PTK2: variants seen among roughly 807,000 people sequenced by gnomAD.
PTK2 encodes the protein focal adhesion kinase 1.
A neutral mutation model predicts 150.1 loss-of-function variants in PTK2; 45 were observed. The observed-to-expected ratio is 0.30, with a 90% CI of 0.24 to 0.38. PTK2 has a LOEUF of 0.38. PTK2 is among the 10% of genes least tolerant of loss of function. The pLI is 1.00. For missense variants in PTK2, 919 were observed against 1,307.3 expected, an observed-to-expected ratio of 0.70 and a Z score of 4.58; for synonymous variants, 432 against 449.2, an observed-to-expected ratio of 0.96 and a Z score of 0.48.
intron 29 of PTK2, among the ~76,000 whole-genome samples, chr8:140,671,635 C>T (rs577779299): frequency 2.0e-5 from 3 of 151,720 alleles, no homozygotes; most frequent in South Asian, 2.1e-4. Context: ...CTACTTAGGT[C>T]GGGTGCGGTG....
chr8:140,880,984 G>T (rs2100148767), intron 3 of PTK2, among the ~76,000 whole-genome samples: 1 of 152,076 alleles, frequency 6.6e-6, no homozygotes, highest in Non-Finnish European at 1.5e-5. Context: ...GCAGAGAGAG[G>T]GACAAAGGAA....
rs2100056304 is a variant in PTK2 at position 140,742,452 on chromosome 8, C to T, written c.1735+778G>A. On this transcript the variant is annotated intron_variant, in intron 20 of 31. Transcript: ENST00000522684. ...TATGCTTAATTTTTAAAGAATTTGC[C>T]AAACTTTCTTCCAGAATGCCTCTAC... is the stretch of plus-strand genomic sequence containing the variant. 3.3e-5 allele frequency among the ~76,000 whole-genome samples: 5 copies of T among 152,306 alleles called. No individual in the cohort carries two copies. The South Asian group carries it at 1.0e-3, about 32-fold the overall frequency.
At chr8:140,660,798 C>T in intron 31 of PTK2, 2 of 327,520 alleles carry the variant, frequency 6.1e-6, no homozygotes, top group South Asian at 4.8e-5. Flanking sequence ...AAATGCTGTC[C>T]TACAGGGTTC....
chr8:140,732,453 T>A (rs1027826492), intron 22 of PTK2: 1 of 443,042 alleles, frequency 2.3e-6, no homozygotes, highest in Admixed American at 3.2e-5. Context: ...CAGTGGAGCA[T>A]TCCTTAGTAT....
chr8:140,739,504 T>C (rs751486906), intron 20 of PTK2, among the ~76,000 whole-genome samples: 7 of 152,156 alleles, frequency 4.6e-5, no homozygotes, highest in Non-Finnish European at 1.0e-4. Context: ...AAATAATATA[T>C]AGTCGATCCT....
At chr8:140,764,591 A>C in intron 14 of PTK2, 1 of 425,814 alleles carries the variant, frequency 2.3e-6, no homozygotes. Flanking sequence ...AAATTAACCA[A>C]TCTACCAACC....
chr8:140,681,641 G>A (rs1589829387), intron 27 of PTK2, among the ~76,000 whole-genome samples: 1 of 152,000 alleles, frequency 6.6e-6, no homozygotes, highest in Non-Finnish European at 1.5e-5. Flanking sequence ...GCCGGGCGTG[G>A]TGGCGGGCGC....
At chr8:140,905,588 ACC>A (rs955148673) in intron 2 of PTK2, among the ~76,000 whole-genome samples, 7 of 152,110 alleles carry the variant, frequency 4.6e-5, no homozygotes, top group African/African-American at 2.4e-5. Context: ...AGACTTTAAC[ACC>A]CCACTGTCAA....
At chr8:140,683,822 C>A (rs1435815647) in intron 27 of PTK2, among the ~76,000 whole-genome samples, 1 of 147,056 alleles carries the variant, frequency 6.8e-6, no homozygotes, top group Non-Finnish European at 1.5e-5. Flanking sequence ...ATGTTAAAAA[C>A]CCTCAAAAAA....
At chr8:140,951,278 C>G (rs903774548) in intron 1 of PTK2, among the ~76,000 whole-genome samples, 1 of 152,138 alleles carries the variant, frequency 6.6e-6, no homozygotes, top group Non-Finnish European at 1.5e-5. Context: ...AAAAACAAGG[C>G]AAGGACCAAG....
At chr8:140,713,601 G>C (rs1048491768) in intron 23 of PTK2, among the ~76,000 whole-genome samples, 4 of 152,188 alleles carry the variant, frequency 2.6e-5, no homozygotes, top group Non-Finnish European at 4.4e-5. Context: ...AGAGGTCCAA[G>C]GACTACACTT....
intron 10 of PTK2, among the ~76,000 whole-genome samples, chr8:140,803,880 A>G (rs1219521645): frequency 6.6e-6 from 1 of 152,250 alleles, no homozygotes; most frequent in East Asian, 1.9e-4. Flanking sequence ...GAGGAGACCC[A>G]TACATGAGTT....
At chr8:140,784,331 T>G (rs1022497935) in intron 14 of PTK2, among the ~76,000 whole-genome samples, 1 of 152,176 alleles carries the variant, frequency 6.6e-6, no homozygotes, top group Admixed American at 6.5e-5. Flanking sequence ...ACAAGAGCCA[T>G]GTGCATAATG....
At chr8:140,671,635 CGG>C (rs1478314100) in intron 29 of PTK2, among the ~76,000 whole-genome samples, 1 of 151,720 alleles carries the variant, frequency 6.6e-6, no homozygotes, top group African/African-American at 2.4e-5. Flanking sequence ...CTACTTAGGT[CGG>C]GTGCGGTGGC....
chr8:140,922,347 G>A (rs1373559776), intron 2 of PTK2, among the ~76,000 whole-genome samples: 1 of 151,690 alleles, frequency 6.6e-6, no homozygotes, highest in East Asian at 1.9e-4. Flanking sequence ...GGGAAGAAAG[G>A]GGCTCCAGAA....
intron 14 of PTK2, among the ~76,000 whole-genome samples, chr8:140,764,740 G>A (rs989168457): frequency 3.3e-5 from 5 of 152,114 alleles, no homozygotes; most frequent in South Asian, 2.1e-4. Context: ...TAATCTGAAC[G>A]GAACCTTTAG....
At chr8:140,917,488 A>G (rs2100165757) in intron 2 of PTK2, among the ~76,000 whole-genome samples, 1 of 152,180 alleles carries the variant, frequency 6.6e-6, no homozygotes, top group African/African-American at 2.4e-5. Context: ...TAAACCCTGG[A>G]TAAATACTTT....
At chr8:140,947,212 C>A (rs1030504275) in intron 1 of PTK2, among the ~76,000 whole-genome samples, 1 of 152,146 alleles carries the variant, frequency 6.6e-6, no homozygotes, top group Non-Finnish European at 1.5e-5. Context: ...AAATCTCCAA[C>A]CCCAGCATTG....
At chr8:140,955,500 T>A (rs1411265876) in intron 1 of PTK2, among the ~76,000 whole-genome samples, 1 of 152,204 alleles carries the variant, frequency 6.6e-6, no homozygotes, top group Non-Finnish European at 1.5e-5. Flanking sequence ...TATGTCTTTA[T>A]TAGCAGTGTG....
Sources: gnomAD v4.1 joint callset for allele counts (sites outside exome capture counted in the v4.1 genomes callset) on GRCh38, gnomAD v4.1.1 for gene constraint, MANE v1.5 for transcripts, NCBI Gene and HGNC (gene_info 2026-07-23, HGNC 2026-07-21) for gene names.